PKIA: variants seen among roughly 807,000 people sequenced by gnomAD.
PKIA encodes cAMP-dependent protein kinase inhibitor alpha.
In PKIA, 4 loss-of-function variants were observed where a neutral mutation model predicts 7.6. The ratio of observed to expected loss-of-function variants is 0.52; its 90% CI spans 0.26 to 1.20. The LOEUF is 1.20. PKIA is among the 50% of genes most tolerant of loss of function. PKIA has a pLI of 0.13. For missense variants in PKIA, 73 were observed against 86.2 expected, an observed-to-expected ratio of 0.85 and a Z score of 0.61; for synonymous variants, 21 against 30.7, an observed-to-expected ratio of 0.68 and a Z score of 1.04.
intron 1 of PKIA, among the ~76,000 whole-genome samples, chr8:78,520,291 T>C (rs1310849693): frequency 6.6e-6 from 1 of 152,194 alleles, no homozygotes; most frequent in African/African-American, 2.4e-5. Flanking sequence ...ATCATTATAA[T>C]CTACAAAAGG....
chr8:78,592,128 A>G (rs1808113140), intron 2 of PKIA, among the ~76,000 whole-genome samples: 1 of 152,136 alleles, frequency 6.6e-6, no homozygotes, highest in South Asian at 2.1e-4. Context: ...TGACTGAAAA[A>G]AAAATAGCCA....
At chr8:78,520,447 C>T (rs564076694) in intron 1 of PKIA, among the ~76,000 whole-genome samples, 1 of 152,224 alleles carries the variant, frequency 6.6e-6, no homozygotes, top group East Asian at 1.9e-4. Context: ...TGTTTCAAGC[C>T]ACTCATCTAG....
intron 2 of PKIA, among the ~76,000 whole-genome samples, chr8:78,597,325 C>A (rs1808248650): frequency 6.6e-6 from 1 of 152,138 alleles, no homozygotes; most frequent in South Asian, 2.1e-4. Flanking sequence ...GTTTTTGTAC[C>A]TTTTGACATT....
chr8:78,529,742 T>G (rs1189213779), intron 1 of PKIA, among the ~76,000 whole-genome samples: 5 of 151,958 alleles, frequency 3.3e-5, no homozygotes, highest in African/African-American at 1.2e-4. Flanking sequence ...AAATAACATA[T>G]AATTTTTTTT....
intron 2 of PKIA, among the ~76,000 whole-genome samples, chr8:78,582,066 C>A (rs1807824671): frequency 6.6e-6 from 1 of 151,962 alleles, no homozygotes; most frequent in South Asian, 2.1e-4. Flanking sequence ...GATAATCCTT[C>A]TTCAGGCAGC....
At chr8:78,550,518 A>G (rs1046254103) in intron 1 of PKIA, among the ~76,000 whole-genome samples, 20 of 152,076 alleles carry the variant, frequency 1.3e-4, no homozygotes, top group African/African-American at 4.3e-4. Context: ...CTAAGTGGGA[A>G]CTTTAAGGCT....
rs112057712 is a variant in PKIA, at chr8:78,578,357, A to G, written c.-28+5418A>G. On this transcript the variant is annotated intron_variant, in intron 2 of 3. Coordinates refer to ENST00000396418, the MANE Select transcript of PKIA (RefSeq NM_006823.4). ...AATTGATATTAAACTGTAATCATTC[A>G]TCTTCACTTACGGCATGCTGTAGCT... Among the ~76,000 whole-genome samples the G allele has an allele frequency of 5.0e-3, 768 of 152,120 alleles. 10 individuals carry two copies. Among genetic ancestry groups the G allele is most frequent in the African/African-American group, 0.016 (649 of 41,538 alleles).
chr8:78,528,281 A>G (rs771585561), intron 1 of PKIA, among the ~76,000 whole-genome samples: 11 of 152,072 alleles, frequency 7.2e-5, no homozygotes, highest in Non-Finnish European at 1.6e-4. Flanking sequence ...AAAAACAGCC[A>G]TTTGTTGATT....
In PKIA at chr8:78,604,089, T is replaced by C. The variant is rs1808418446; in HGVS notation, c.*2268T>C. 1 of 151,988 alleles carries C rather than the reference T, an allele frequency of 6.6e-6. No individual in the cohort carries two copies. Among genetic ancestry groups the C allele is most frequent in the African/African-American group, 2.4e-5 (1 of 41,408 alleles). 9.4% of individuals were successfully genotyped at this position (151,988 alleles called of 1,614,324 possible). A position where few individuals can be genotyped will look rare whatever the true frequency, so the allele number is the denominator to read the frequency against. On this transcript the variant is annotated 3_prime_UTR_variant, in exon 4 of 4. Transcript: ENST00000396418. ...TGCTTATTCATGGCATCTTTCAAAT[T>C]TTATTTTAGTTTCCTTTATTTGCCA...
At chr8:78,540,587 T>C (rs1206416490) in intron 1 of PKIA, among the ~76,000 whole-genome samples, 2 of 152,060 alleles carry the variant, frequency 1.3e-5, no homozygotes, top group Non-Finnish European at 2.9e-5. Flanking sequence ...CAGTCAGAAG[T>C]CACCAGTTGC....
intron 2 of PKIA, among the ~76,000 whole-genome samples, chr8:78,595,707 AATTT>A (rs1372989044): frequency 6.6e-6 from 1 of 152,118 alleles, no homozygotes; most frequent in Non-Finnish European, 1.5e-5. Context: ...TTCCTGCATT[AATTT>A]ACTTAGGATA....
At chr8:78,581,572 T>C (rs1807807464) in intron 2 of PKIA, among the ~76,000 whole-genome samples, 1 of 152,082 alleles carries the variant, frequency 6.6e-6, no homozygotes, top group Non-Finnish European at 1.5e-5. Context: ...AGCTTCACTG[T>C]GATTTTCCTG....
intron 2 of PKIA, among the ~76,000 whole-genome samples, chr8:78,586,398 G>T (rs922408421): frequency 6.6e-6 from 1 of 151,828 alleles, no homozygotes; most frequent in Non-Finnish European, 1.5e-5. Flanking sequence ...TTTTTTTTAG[G>T]TGTCAATATT....
chr8:78,595,516 T>C (rs1376308724), intron 2 of PKIA, among the ~76,000 whole-genome samples: 1 of 152,160 alleles, frequency 6.6e-6, no homozygotes, highest in Admixed American at 6.6e-5. Context: ...CGAGGGTTTG[T>C]ACAGATTATT....
intron 1 of PKIA, among the ~76,000 whole-genome samples, chr8:78,546,170 G>C (rs947156085): frequency 2.0e-5 from 3 of 152,044 alleles, no homozygotes; most frequent in African/African-American, 7.2e-5. Context: ...GATTGTCCTG[G>C]GGACATGACT....
intron 1 of PKIA, among the ~76,000 whole-genome samples, chr8:78,542,838 A>G (rs1052059263): frequency 6.6e-6 from 1 of 152,144 alleles, no homozygotes; most frequent in South Asian, 2.1e-4. Context: ...CTTTTACAAA[A>G]GTGTCTTATC....
chr8:78,565,904 T>C (rs1467509013), intron 1 of PKIA, among the ~76,000 whole-genome samples: 4 of 152,136 alleles, frequency 2.6e-5, no homozygotes, highest in African/African-American at 9.6e-5. Context: ...ATTGACCTCA[T>C]TACTCAAAAG....
chr8:78,589,618 G>A (rs1808043839), intron 2 of PKIA, among the ~76,000 whole-genome samples: 1 of 152,088 alleles, frequency 6.6e-6, no homozygotes, highest in Non-Finnish European at 1.5e-5. Flanking sequence ...GGGAACTGCT[G>A]GAACTTTTGC....
At chr8:78,533,979 GTTGA>G (rs1392555821) in intron 1 of PKIA, 2 of 152,096 alleles carry the variant, frequency 1.3e-5, no homozygotes, top group Non-Finnish European at 2.9e-5. Flanking sequence ...AAGATTAAAG[GTTGA>G]TTGTCACTTC....
Sources: allele counts gnomAD v4.1 joint callset (sites outside exome capture counted in the v4.1 genomes callset), GRCh38; gene constraint gnomAD v4.1.1; transcripts MANE v1.5; gene names NCBI Gene and HGNC (gene_info 2026-07-23, HGNC 2026-07-21).